The following DPH6 variants were observed in gnomAD, a reference collection of about 807,000 sequenced individuals.
DPH6 encodes diphthine--ammonia ligase.
Under a neutral mutation model 38.2 loss-of-function variants are expected in DPH6, and 33 were observed. The observed-to-expected ratio is 0.86, with a 90% CI of 0.65 to 1.15. The LOEUF (loss-of-function observed/expected upper bound fraction) is 1.15, where lower values mean the gene tolerates loss of function less well. Ranked by LOEUF, DPH6 falls within the 50% of genes most tolerant of loss-of-function variation. The pLI, the probability that DPH6 is intolerant of heterozygous loss-of-function variation, is 0.00. For missense variants in DPH6, 325 were observed against 320.0 expected (o/e 1.02, Z -0.12); for synonymous variants, 108 against 103.0 (o/e 1.05, Z -0.30).
At chr15:35,454,640 G>A (rs182901841) in intron 4 of DPH6, 107 bp downstream of exon 4, 22 of 917,556 alleles carry the variant, frequency 2.4e-5, no homozygotes, top group Non-Finnish European at 3.0e-5. Context: ...CATGGAGCAC[G>A]TAGACTACCA....
chr15:35,167,736 T>A, the DPH6 span, among the ~76,000 whole-genome samples: 109,261 of 151,862 alleles, frequency 0.72, 39,692 homozygotes, highest in Middle Eastern at 0.82. Context: ...CAGAACACTT[T>A]GAATTAACCT....
chr15:35,516,389 ATCTAT>A (rs770895544), intron 3 of DPH6, among the ~76,000 whole-genome samples: 1 of 152,162 alleles, frequency 6.6e-6, no homozygotes, highest in African/African-American at 2.4e-5. Context: ...TTCCTATATG[ATCTAT>A]TCTACATGGA....
chr15:35,146,069 C>CTG, the DPH6 span, among the ~76,000 whole-genome samples: 1,789 of 147,150 alleles, frequency 0.012, 35 homozygotes, highest in African/African-American at 0.033. Flanking sequence ...CTTATAGTTT[C>CTG]TGTGTGTGTG....
At chr15:35,262,994 G>T (rs1461418629) in intron 3 of DPH6, among the ~76,000 whole-genome samples, 1 of 151,984 alleles carries the variant, frequency 6.6e-6, no homozygotes, top group Non-Finnish European at 1.5e-5. Flanking sequence ...TAAGTCTGAA[G>T]GAATTATAAT....
At chr15:35,437,643 G>A (rs569859213) in intron 5 of DPH6, among the ~76,000 whole-genome samples, 101 of 152,316 alleles carry the variant, frequency 6.6e-4, no homozygotes, top group African/African-American at 2.4e-3. Context: ...CCAAACTGGT[G>A]TGCTCTGCAT....
Position 35,371,083 on chromosome 15 carries a change from C to G in DPH6, c.*1067G>C, listed in dbSNP as rs2052707695. The G allele has an allele frequency of 6.6e-6, 1 of 151,592 alleles. No homozygotes were observed. The highest frequency in any genetic ancestry group is 1.5e-5 in the Non-Finnish European group (1 of 67,732). 9.4% of individuals were successfully genotyped at this position (151,592 alleles called of 1,614,324 possible). ...ATATTAATACATGAAAGAAGCCAATCTGAAAAGCTATATACTGCATGAAAA... is the reference window on the plus strand; with the variant it reads ...ATATTAATACATGAAAGAAGCCAATGTGAAAAGCTATATACTGCATGAAAA... On this transcript the variant is annotated 3_prime_UTR_variant, in exon 9 of 9. Transcript: ENST00000256538.
intron 3 of DPH6, among the ~76,000 whole-genome samples, chr15:35,488,721 T>A (rs2054437276): frequency 6.6e-6 from 1 of 152,010 alleles, no homozygotes; most frequent in African/African-American, 2.4e-5. Context: ...AAACAGGAAT[T>A]GTACATTATG....
At chr15:35,180,443 A>T in the DPH6 span, among the ~76,000 whole-genome samples, 76 of 125,986 alleles carry the variant, frequency 6.0e-4, 2 homozygotes, top group South Asian at 0.019. Context: ...ACACACACAC[A>T]CTTGCCCAGT....
chr15:35,485,861 C>G (rs1359724622), intron 3 of DPH6, among the ~76,000 whole-genome samples: 2 of 152,202 alleles, frequency 1.3e-5, no homozygotes, highest in Non-Finnish European at 2.9e-5. Flanking sequence ...ACTTCTGCTT[C>G]TTAAGCCAGG....
downstream of DPH6, among the ~76,000 whole-genome samples, chr15:35,367,313 C>T (rs953338582): frequency 4.6e-5 from 7 of 151,744 alleles, no homozygotes; most frequent in Admixed American, 1.3e-4. Flanking sequence ...AATACAATTG[C>T]TTTGCTAATA....
At chr15:35,391,233 G>A (rs1417480998) in intron 6 of DPH6, among the ~76,000 whole-genome samples, 5 of 152,170 alleles carry the variant, frequency 3.3e-5, no homozygotes, top group African/African-American at 9.7e-5. Context: ...CTGGCTGTGC[G>A]AGGTGTCAGT....
chr15:35,542,442 A>G lies in DPH6; in HGVS notation c.89T>C (p.Leu30Ser), dbSNP rs777953049. 1.9e-6 allele frequency: 3 copies of G among 1,577,218 alleles called. No individual in the cohort carries two copies. The highest frequency in any genetic ancestry group is 1.7e-6 in the Non-Finnish European group (2 of 1,151,258). ...CIAAGHQIVA[L>S]ANLRPAENQV... ...GTTTTCAGCTGGTCTTAGATTTGCT[A>G]AAGCAACGATCTGATGCCCAGCAGC... Residue 30 changes from leucine (L) to serine (S), a missense_variant, in exon 2 of 9, where the codon TTA becomes TCA. By Grantham distance (145) the Leu-to-Ser change is moderately radical. Transcript: ENST00000256538.
intron 3 of DPH6, among the ~76,000 whole-genome samples, chr15:35,478,029 T>C (rs529969118): frequency 1.3e-5 from 2 of 152,062 alleles, no homozygotes; most frequent in South Asian, 4.1e-4. Context: ...AAACCTCTGA[T>C]ACTTTTAAAA....
At chr15:35,540,739 A>G (rs2055240435) in intron 2 of DPH6, among the ~76,000 whole-genome samples, 1 of 152,056 alleles carries the variant, frequency 6.6e-6, no homozygotes, top group African/African-American at 2.4e-5. Flanking sequence ...TCATTTTACC[A>G]CCCTGCTGGT....
intron 5 of DPH6, among the ~76,000 whole-genome samples, chr15:35,449,552 A>C (rs2053903537): frequency 6.6e-6 from 1 of 152,140 alleles, no homozygotes; most frequent in Non-Finnish European, 1.5e-5. Context: ...ATGTAATCTT[A>C]GAAAATTCAA....
At chr15:35,153,532 T>C in the DPH6 span, among the ~76,000 whole-genome samples, 5 of 152,134 alleles carry the variant, frequency 3.3e-5, no homozygotes, top group African/African-American at 9.7e-5. Context: ...CTCTACATTG[T>C]TTGTATAATT....
chr15:35,454,771 T>C lies in DPH6; in HGVS notation c.362A>G (p.Tyr121Cys), dbSNP rs766114531. The C allele has an allele frequency of 6.8e-6, 11 of 1,609,618 alleles. No individual in the cohort carries two copies. Among genetic ancestry groups the C allele is most frequent in the East Asian group, 4.5e-5 (2 of 44,578 alleles). Residue 121 changes from tyrosine (Y) to cysteine (C), a missense_variant, in exon 4 of 9, where the codon TAT becomes TGT. Transcript: ENST00000256538. ...CACATTTTCCACTCGAATACGCTGATAGTCAGAAAGTATAGCACCTACTGA... is the reference window on the plus strand; with the variant it reads ...CACATTTTCCACTCGAATACGCTGACAGTCAGAAAGTATAGCACCTACTGA... ...GISVGAILSD[Y>C]QRIRVENVCK...
chr15:35,483,349 A>G (rs905460611), intron 3 of DPH6, among the ~76,000 whole-genome samples: 14 of 152,072 alleles, frequency 9.2e-5, no homozygotes, highest in African/African-American at 3.4e-4. Flanking sequence ...CTGTAATCCC[A>G]GCTACTCAAG....
intron 3 of DPH6, among the ~76,000 whole-genome samples, chr15:35,261,354 T>C (rs1330744067): frequency 1.3e-5 from 2 of 152,212 alleles, no homozygotes; most frequent in African/African-American, 2.4e-5. Flanking sequence ...GTTTTTGTTT[T>C]TGTTATTGTT....
Sources: allele counts gnomAD v4.1 joint callset (sites outside exome capture counted in the v4.1 genomes callset), GRCh38; gene constraint gnomAD v4.1.1; transcripts MANE v1.5; gene names NCBI Gene and HGNC (gene_info 2026-07-23, HGNC 2026-07-21).